KANSL2: variants seen among roughly 807,000 people sequenced by gnomAD.
KANSL2 encodes the protein NSL complex protein NSL2.
KANSL2 carries 34 observed loss-of-function variants against 55.6 expected under a neutral mutation model. The ratio of observed to expected loss-of-function variants is 0.61; its 90% CI spans 0.46 to 0.81. The LOEUF (loss-of-function observed/expected upper bound fraction) is 0.81. Ranked by LOEUF, KANSL2 falls within the 40% of genes least tolerant of loss-of-function variation. The pLI, the probability that KANSL2 is intolerant of heterozygous loss-of-function variation, is 0.00. For synonymous variants in KANSL2, 209 were observed against 214.3 expected (o/e 0.98, Z 0.22); for missense variants, 502 against 609.9 (o/e 0.82, Z 1.86).
intron 9 of KANSL2, chr12:48,654,384 T>C (rs1293746388): frequency 2.6e-6 from 2 of 776,826 alleles, no homozygotes; most frequent in Admixed American, 1.7e-5. Context: ...GAGCTGTAGG[T>C]TGTTTCTTCC....
intron 2 of KANSL2, 197 bp downstream of exon 2, chr12:48,681,185 A>C (rs1386356352): frequency 1.2e-5 from 6 of 512,674 alleles, no homozygotes; most frequent in Non-Finnish European, 2.0e-5. Flanking sequence ...AAGGGAAAAG[A>C]ACCAAAGAGG....
chr12:48,676,384 G>C (rs771687468), intron 4 of KANSL2, among the ~76,000 whole-genome samples: 1 of 152,114 alleles, frequency 6.6e-6, no homozygotes, highest in Non-Finnish European at 1.5e-5. Flanking sequence ...AGGATCACTG[G>C]GCGCACTGGT....
At chr12:48,659,116 A>C (rs1939443853) in intron 8 of KANSL2, among the ~76,000 whole-genome samples, 1 of 151,962 alleles carries the variant, frequency 6.6e-6, no homozygotes. Flanking sequence ...CAACATGGTG[A>C]AACCCTGTCT....
intron 7 of KANSL2, chr12:48,662,536 A>T (rs952440742): frequency 1.6e-6 from 2 of 1,256,468 alleles, no homozygotes; most frequent in South Asian, 2.6e-5. Flanking sequence ...AAAAGAGGTA[A>T]AAAGAAGGGA....
Position 48,660,569 on chromosome 12 carries a change from C to T in KANSL2, c.1024G>A (p.Glu342Lys), listed in dbSNP as rs763578378. The change falls in exon 8 of 10, where the codon GAA becomes AAA. Residue 342 changes from glutamate to lysine, a missense_variant. Physicochemically the swap from Glu to Lys is moderately conservative, Grantham distance 56. Coordinates refer to ENST00000420613, the MANE Select transcript of KANSL2 (RefSeq NM_017822.4). The stretch of plus-strand genomic sequence containing the variant: ...ACAGGTTTGTTGCAGGGTACCTCTT[C>T]AGATCCCTGGCAGCACTTGAAGAGA... The part of the protein sequence containing the change: ...QVLFKCCQGS[E>K]EVPCNKPVPV... 1 of 1,613,222 alleles carries T rather than the reference C, an allele frequency of 6.2e-7. No homozygotes were observed. Among genetic ancestry groups the T allele is most frequent in the Middle Eastern group, 1.7e-4 (1 of 6,060 alleles).
intron 8 of KANSL2, among the ~76,000 whole-genome samples, chr12:48,655,927 T>C (rs1304415812): frequency 2.0e-5 from 3 of 152,038 alleles, no homozygotes; most frequent in African/African-American, 7.2e-5. Context: ...CATACATACA[T>C]AGGTTAAAAG....
Position 48,654,942 on chromosome 12 carries a change from A to T in KANSL2, c.1346T>A (p.Leu449Ter), listed in dbSNP as rs1293387205. The T allele has an allele frequency of 1.5e-5, 24 of 1,562,902 alleles. No individual in the cohort carries two copies. In the Admixed American group the frequency reaches 4.4e-4, roughly 29 times the overall value. ...KEIAEDPVDI[L>*]GQMQMAGDGC... ...CAGGTGGGACTGTTCTTCACTTGCCAAAATATCCACTGGGTCTTCAGCAAT... is the reference window on the plus strand; with the variant it reads ...CAGGTGGGACTGTTCTTCACTTGCCTAAATATCCACTGGGTCTTCAGCAAT... Residue 449 changes from leucine to a stop codon, truncating the protein, a stop_gained and splice_region_variant, in exon 9 of 10, where the codon TTG (leucine) becomes TAG (stop). Coordinates refer to ENST00000420613, the MANE Select transcript of KANSL2 (RefSeq NM_017822.4). LOFTEE classifies it high-confidence loss of function.
At chr12:48,666,403 A>T (rs917063537) in intron 7 of KANSL2, among the ~76,000 whole-genome samples, 6 of 151,886 alleles carry the variant, frequency 4.0e-5, no homozygotes, top group Non-Finnish European at 7.4e-5. Context: ...ATAAAAAAAA[A>T]AAAAATAGGC....
intron 9 of KANSL2, 67 bp from the exon 10 acceptor site, chr12:48,654,242 C>T (rs898404969): frequency 1.7e-5 from 25 of 1,495,780 alleles, no homozygotes; most frequent in Non-Finnish European, 2.2e-5. Context: ...ATGAATCTGA[C>T]TTATCAGTGG....
intron 8 of KANSL2, among the ~76,000 whole-genome samples, chr12:48,659,673 T>C (rs1422121032): frequency 6.6e-6 from 1 of 151,868 alleles, no homozygotes; most frequent in African/African-American, 2.4e-5. Context: ...TGGTGGCTCA[T>C]GCCACCGACA....
In KANSL2 at chr12:48,661,829, G is replaced by T. The variant is rs1215356467; in HGVS notation, c.974-1210C>A. Among the ~76,000 whole-genome samples, 5 of 152,164 alleles carry T rather than the reference G, an allele frequency of 3.3e-5. No homozygotes were observed. In the East Asian group the frequency reaches 9.6e-4, roughly 29 times the overall value. On this transcript the variant is annotated intron_variant, in intron 7 of 9. Transcript: ENST00000420613. ...CAGCATTCCTGGCCTCTATCCACTAGCTGTCAGTAGCACCTCCATCTGAGT... is the reference window on the plus strand; with the variant it reads ...CAGCATTCCTGGCCTCTATCCACTATCTGTCAGTAGCACCTCCATCTGAGT...
chr12:48,655,033 GCATACCATCACCCA>G lies in KANSL2; in HGVS notation c.1241_1254del (p.Val414AlafsTer10). ...AAAAGCAAAGGTGAAGGAGGACACTGCATACCATCACCCACAACATCCAAGTCCTAGAAAAAAGA... is the reference window on the plus strand; with the variant it reads ...AAAAGCAAAGGTGAAGGAGGACACTGCAACATCCAAGTCCTAGAAAAAAGA... On this transcript the variant is annotated frameshift_variant, in exon 9 of 10. Coordinates refer to ENST00000420613, the MANE Select transcript of KANSL2 (RefSeq NM_017822.4). LOFTEE classifies it high-confidence loss of function. 6.3e-7 allele frequency: 1 copy of G among 1,583,826 alleles called. No homozygotes were observed. Among genetic ancestry groups the G allele is most frequent in the South Asian group, 1.2e-5 (1 of 86,268 alleles).
chr12:48,657,622 G>A (rs894620920), intron 8 of KANSL2, among the ~76,000 whole-genome samples: 10 of 151,800 alleles, frequency 6.6e-5, no homozygotes, highest in Admixed American at 1.3e-4. Flanking sequence ...GTGTGTGTGC[G>A]TGCGTGTGTG....
At position 48,654,194 on chromosome 12, in the gene KANSL2, G is replaced by A; in HGVS notation, c.1348-19C>T. 1 of 1,585,830 alleles carries A rather than the reference G, an allele frequency of 6.3e-7. No individual in the cohort carries two copies. Among genetic ancestry groups the A allele is most frequent in the Non-Finnish European group, 8.6e-7 (1 of 1,169,096 alleles). ...TCTGGCCCTGTTAAAAGAAATAAAG[G>A]CACTTCAGTTAGTAATTCATTCACT... is the stretch of plus-strand genomic sequence containing the variant. On this transcript the variant is annotated intron_variant, in intron 9 of 9. Transcript: ENST00000420613.
At chr12:48,662,501 C>T (rs1404102716) in intron 7 of KANSL2, 2 of 1,186,620 alleles carry the variant, frequency 1.7e-6, no homozygotes, top group Non-Finnish European at 2.1e-6. Flanking sequence ...CATCATCCTC[C>T]ACCCGCTTTC....
intron 4 of KANSL2, among the ~76,000 whole-genome samples, chr12:48,672,845 G>A (rs140214206): frequency 9.0e-4 from 137 of 151,848 alleles, no homozygotes; most frequent in Non-Finnish European, 1.7e-3. Flanking sequence ...TGCAACCTCC[G>A]CTTCCCAGGT....
chr12:48,660,133 T>C lies in KANSL2; in HGVS notation c.1227+233A>G, dbSNP rs540247541. Among the ~76,000 whole-genome samples the C allele has an allele frequency of 2.6e-5, 4 of 152,246 alleles. No homozygotes were observed. The South Asian group carries it at 8.3e-4, about 32-fold the overall frequency. ...AATTATACACTTTCAAAGAGTGCAA[T>C]TTATAGTATGTAAATTGTATCCCTA... On this transcript the variant is annotated intron_variant, in intron 8 of 9. Coordinates refer to ENST00000420613, the MANE Select transcript of KANSL2 (RefSeq NM_017822.4).
chr12:48,666,958 A>G (rs1939612582), intron 7 of KANSL2, among the ~76,000 whole-genome samples: 1 of 152,046 alleles, frequency 6.6e-6, no homozygotes, highest in African/African-American at 2.4e-5. Flanking sequence ...AGGCGGGTGG[A>G]TCACCTGAGG....
At chr12:48,661,886 C>T (rs931185782) in intron 7 of KANSL2, among the ~76,000 whole-genome samples, 21 of 152,122 alleles carry the variant, frequency 1.4e-4, no homozygotes, top group Non-Finnish European at 2.6e-4. Flanking sequence ...CACACATTGC[C>T]AACTGGAAAA....
Sources: allele counts gnomAD v4.1 joint callset (sites outside exome capture counted in the v4.1 genomes callset), GRCh38; gene constraint gnomAD v4.1.1; transcripts MANE v1.5; gene names NCBI Gene and HGNC (gene_info 2026-07-23, HGNC 2026-07-21).